ZBTB1: variants seen among roughly 807,000 people sequenced by gnomAD.
The protein encoded by ZBTB1 is zinc finger and BTB domain containing 1, also known as zinc finger and BTB domain-containing protein 1.
ZBTB1 carries 13 observed loss-of-function variants against 51.6 expected under a neutral mutation model. The ratio of observed to expected loss-of-function variants is 0.25; its 90% CI spans 0.16 to 0.40. The LOEUF is 0.40. ZBTB1 is among the 10% of genes least tolerant of loss of function. The pLI is 1.00. For missense variants in ZBTB1, 567 were observed against 856.5 expected, an observed-to-expected ratio of 0.66 and a Z score of 4.22; for synonymous variants, 240 against 282.2, an observed-to-expected ratio of 0.85 and a Z score of 1.50.
chr14:64,520,822 T>A (rs188488947), intron 1 of ZBTB1, among the ~76,000 whole-genome samples: 8 of 152,288 alleles, frequency 5.3e-5, no homozygotes, highest in Admixed American at 5.2e-4. Context: ...AGTTGCTGTT[T>A]TATTTACTTT....
chr14:64,524,634 G>C lies in ZBTB1; in HGVS notation c.*988G>C. ...ATTGATAAATCTAATAAAATAAAGA[G>C]ATCAATTATAAACCTGGTTGTTCTA... On this transcript the variant is annotated 3_prime_UTR_variant, in exon 2 of 2. Coordinates refer to ENST00000683701, the MANE Select transcript of ZBTB1 (RefSeq NM_001123329.2). The C allele has an allele frequency of 1.0e-6, 1 of 983,038 alleles. No homozygotes were observed. The highest frequency in any genetic ancestry group is 1.2e-6 in the Non-Finnish European group (1 of 827,858). 60.9% of individuals were successfully genotyped at this position (983,038 alleles called of 1,614,324 possible).
intron 1 of ZBTB1, among the ~76,000 whole-genome samples, chr14:64,517,403 G>T (rs534365084): frequency 6.6e-6 from 1 of 152,122 alleles, no homozygotes; most frequent in Admixed American, 6.5e-5. Flanking sequence ...TTTAATATGG[G>T]TACTCATTCT....
chr14:64,523,480 C>G lies in ZBTB1; in HGVS notation c.1976C>G (p.Ala659Gly), dbSNP rs540324675. 4 of 1,613,592 alleles carry G rather than the reference C, an allele frequency of 2.5e-6. 1 individual carries two copies. The South Asian group carries it at 3.3e-5, about 13-fold the overall frequency. The change falls in exon 2 of 2, where the codon GCT becomes GGT. Residue 659 changes from alanine to glycine, a missense_variant. This residue lies in a region of ZBTB1 where 69 missense variants were observed against 171.8 expected (regional missense o/e 0.40). Coordinates refer to ENST00000683701, the MANE Select transcript of ZBTB1 (RefSeq NM_001123329.2). This position sits in a 1 kb window ranked among gnomAD's most constrained non-coding sequence, Gnocchi z 4.5. ...CGGCATATGATTTCTCATTTATCTG[C>G]TGGTGAGACTATATGCCAGGTCTGC... is the stretch of plus-strand genomic sequence containing the variant. ...HVRHMISHLS[A>G]GETICQVCFQ... is the part of the protein sequence containing the mutation.
chr14:64,528,373 T>C (rs1490456831), downstream of ZBTB1, among the ~76,000 whole-genome samples: 1 of 142,386 alleles, frequency 7.0e-6, no homozygotes, highest in Non-Finnish European at 1.5e-5. Context: ...TTGCCATTCA[T>C]CTATTTTGAT....
chr14:64,531,810 G>A (rs2079943784), intron 2 of ZBTB1: 1 of 1,609,900 alleles, frequency 6.2e-7, no homozygotes, highest in African/African-American at 1.3e-5. Flanking sequence ...TTGTAGAGCA[G>A]TCAACTTGTA....
Position 64,521,466 on chromosome 14 carries a change from TAATA to T in ZBTB1, c.-18-20_-18-17del. 6.6e-7 allele frequency: 1 copy of T among 1,524,054 alleles called. No homozygotes were observed. The highest frequency in any genetic ancestry group is 8.8e-7 in the Non-Finnish European group (1 of 1,136,896). The allele number at this position is 1,524,054 out of a possible 1,614,324, so 94.4% of individuals were successfully genotyped here. A position where few individuals can be genotyped will look rare whatever the true frequency, so the allele number is the denominator to read the frequency against. Reference sequence around the variant, plus strand: ...TGCTTTTCTATATCTTGTTTGACTTTAATATTTTTGTTTTACATAGGTCTCTAAT... The same window carrying T: ...TGCTTTTCTATATCTTGTTTGACTTTTTTTTGTTTTACATAGGTCTCTAAT... On this transcript the variant is annotated splice_polypyrimidine_tract_variant and intron_variant, in intron 1 of 1. Coordinates refer to ENST00000683701, the MANE Select transcript of ZBTB1 (RefSeq NM_001123329.2).
chr14:64,526,586 G>T (rs2079905550), downstream of ZBTB1, among the ~76,000 whole-genome samples: 1 of 152,184 alleles, frequency 6.6e-6, no homozygotes, highest in Admixed American at 6.5e-5. Context: ...CCAGAGGAAT[G>T]GTTAGCAAGC....
At chr14:64,512,782 G>A (rs1374272739) in intron 1 of ZBTB1, among the ~76,000 whole-genome samples, 1 of 152,110 alleles carries the variant, frequency 6.6e-6, no homozygotes, top group Non-Finnish European at 1.5e-5. Context: ...CTCTACAACT[G>A]GTTATTCCTG....
chr14:64,532,701 A>G (rs1304665431), exon 3 of ZBTB1: 1 of 152,144 alleles, frequency 6.6e-6, no homozygotes, highest in Non-Finnish European at 1.5e-5. Context: ...ACTTATTCTC[A>G]ATATTTATGT....
At chr14:64,532,028 A>G in exon 3 of ZBTB1, 5 of 1,103,850 alleles carry the variant, frequency 4.5e-6, no homozygotes, top group Non-Finnish European at 6.4e-6. Context: ...CCATCAACCC[A>G]AAAAGTTCCA....
At chr14:64,531,557 GCTTC>G (rs1387708378) in intron 2 of ZBTB1, among the ~76,000 whole-genome samples, 4 of 152,136 alleles carry the variant, frequency 2.6e-5, no homozygotes, top group Non-Finnish European at 5.9e-5. Context: ...CTTCTTAACT[GCTTC>G]CTTCCTCCCT....
At chr14:64,528,473 TAG>T (rs1313413765), downstream of ZBTB1, among the ~76,000 whole-genome samples, 2 of 151,328 alleles carry the variant, frequency 1.3e-5, no homozygotes, top group Admixed American at 1.3e-4. Context: ...CCAGACATCC[TAG>T]CATCAACAAC....
chr14:64,522,655 G>T lies in ZBTB1; in HGVS notation c.1151G>T (p.Gly384Val), dbSNP rs368127434. 15 of 1,614,004 alleles carry T rather than the reference G, an allele frequency of 9.3e-6. No homozygotes were observed. The highest frequency in any genetic ancestry group is 1.3e-5 in the African/African-American group (1 of 74,920). ...VEEDVSIKKSGRKTLKPRMSV... is the reference protein window; with the variant it reads ...VEEDVSIKKSVRKTLKPRMSV... ...GAAGATGTCAGCATAAAAAAAAGTG[G>T]TAGGAAAACTCTAAAACCTCGAATG... Residue 384 changes from glycine (G) to valine (V), a missense_variant, in exon 2 of 2, where the codon GGT becomes GTT. By Grantham distance (109) the Gly-to-Val change is moderately radical (BLOSUM62 -3). Transcript: ENST00000683701.
chr14:64,512,705 A>C (rs942233106), intron 1 of ZBTB1, among the ~76,000 whole-genome samples: 3 of 152,220 alleles, frequency 2.0e-5, no homozygotes, highest in Non-Finnish European at 4.4e-5. Context: ...TAGTGCATAA[A>C]ATTTTCTAAA....
exon 3 of ZBTB1, chr14:64,531,988 C>G: frequency 6.8e-7 from 1 of 1,469,700 alleles, no homozygotes; most frequent in Non-Finnish European, 9.2e-7. Flanking sequence ...TCTGAAGTGG[C>G]ACCATCTTTT....
chr14:64,509,850 G>C (rs1302891180), intron 1 of ZBTB1, among the ~76,000 whole-genome samples: 1 of 151,898 alleles, frequency 6.6e-6, no homozygotes, highest in Non-Finnish European at 1.5e-5. Flanking sequence ...GGTGGTGGGC[G>C]CCTGTAGTCC....
At chr14:64,517,781 A>ATATATATATATATATATATATATT (rs1160337478) in intron 1 of ZBTB1, among the ~76,000 whole-genome samples, 1 of 41,550 alleles carries the variant, frequency 2.4e-5, no homozygotes, top group African/African-American at 8.9e-5. Context: ...ATATATATAT[A>ATATATATATATATATATATATATT]TTTTTTTTTT....
rs75046127 is a variant in ZBTB1, at chr14:64,531,679, C to T, written c.1899-182C>T. Among the ~76,000 whole-genome samples the T allele has an allele frequency of 0.014, 2,054 of 152,102 alleles. 181 individuals are homozygous for T. The East Asian group carries it at 0.25, about 19-fold the overall frequency. ...ATATTTGAATGGTACGAGTTACATT[C>T]GGGAAATAATTAAATTTAAATTCTA... On this transcript the variant is annotated intron_variant, in intron 2 of 2. Transcript: ENST00000358738.
intron 2 of ZBTB1, chr14:64,531,846 T>G: frequency 6.2e-7 from 1 of 1,613,708 alleles, no homozygotes; most frequent in Non-Finnish European, 8.5e-7. Flanking sequence ...AGTTTTGTCT[T>G]TTTCTGTGTG....
Sources: gnomAD v4.1 joint callset for allele counts (sites outside exome capture counted in the v4.1 genomes callset) on GRCh38, gnomAD v4.1.1 for gene constraint, gnomAD v4.1.1 regional missense constraint, Gnocchi (gnomAD v3.1) non-coding constraint, MANE v1.5 for transcripts, NCBI Gene and HGNC (gene_info 2026-07-23, HGNC 2026-07-21) for gene names.